Variants in PTPRD observed in about 807,000 individuals in gnomAD.
PTPRD encodes receptor-type tyrosine-protein phosphatase delta.
Under a neutral mutation model 214.5 loss-of-function variants are expected in PTPRD, and 34 were observed. The ratio of observed to expected loss-of-function variants is 0.16; its 90% confidence interval spans 0.12 to 0.21. The LOEUF is 0.21. Ranked by LOEUF, PTPRD falls within the 10% of genes least tolerant of loss-of-function variation. PTPRD has a pLI of 1.00. For missense variants in PTPRD, 2,545 were observed against 2,398.7 expected (o/e 1.06, Z -1.27); for synonymous variants, 1,128 against 845.7 (o/e 1.33, Z -5.79).
chr9:8,633,496 C>A (rs1487718469), intron 13 of PTPRD, 38 bp from the exon 14 acceptor site: 2 of 1,603,974 alleles, frequency 1.2e-6, no homozygotes, highest in Admixed American at 1.7e-5. Context: ...GGTGTTGTTA[C>A]AATTGTCTAC....
At chr9:9,212,561 G>T (rs2099949465) in intron 9 of PTPRD, among the ~76,000 whole-genome samples, 1 of 152,118 alleles carries the variant, frequency 6.6e-6, no homozygotes, top group Admixed American at 6.6e-5. Context: ...CTAGCTTATT[G>T]CATTTTAAAA....
intron 8 of PTPRD, among the ~76,000 whole-genome samples, chr9:9,473,009 T>C (rs1428458977): frequency 6.6e-6 from 1 of 152,166 alleles, no homozygotes; most frequent in Non-Finnish European, 1.5e-5. Context: ...TTTTTGAAAA[T>C]ATATATGAAA....
At chr9:8,801,853 G>T (rs2096578347) in intron 11 of PTPRD, among the ~76,000 whole-genome samples, 1 of 152,130 alleles carries the variant, frequency 6.6e-6, no homozygotes, top group African/African-American at 2.4e-5. Context: ...ACCCTTAATG[G>T]TATTACCACA....
intron 6 of PTPRD, among the ~76,000 whole-genome samples, chr9:9,735,959 A>G (rs976132464): frequency 6.6e-6 from 1 of 152,144 alleles, no homozygotes; most frequent in African/African-American, 2.4e-5. Flanking sequence ...TACACAGATA[A>G]ACACCTTGAA....
At chr9:9,883,028 G>A (rs929189002) in intron 5 of PTPRD, among the ~76,000 whole-genome samples, 2 of 152,108 alleles carry the variant, frequency 1.3e-5, no homozygotes, top group African/African-American at 2.4e-5. Context: ...GGTCTCATTT[G>A]AAGCCAAGAA....
intron 6 of PTPRD, among the ~76,000 whole-genome samples, chr9:9,750,390 A>T (rs972470748): frequency 1.4e-4 from 21 of 152,168 alleles, no homozygotes; most frequent in Non-Finnish European, 5.9e-5. Flanking sequence ...GAGAAATTAT[A>T]GACTCCCTCA....
chr9:8,407,615 C>T (rs897438411), intron 35 of PTPRD, among the ~76,000 whole-genome samples: 8 of 152,188 alleles, frequency 5.3e-5, no homozygotes, highest in Non-Finnish European at 1.2e-4. Context: ...TTCACCAATC[C>T]AAATGATATT....
chr9:9,740,578 G>A (rs1195637515), intron 6 of PTPRD, among the ~76,000 whole-genome samples: 2 of 152,062 alleles, frequency 1.3e-5, no homozygotes, highest in African/African-American at 4.8e-5. Context: ...AGCCAGGATG[G>A]TCTGGATCTC....
At chr9:9,097,731 G>A (rs899293493) in intron 10 of PTPRD, among the ~76,000 whole-genome samples, 1 of 152,118 alleles carries the variant, frequency 6.6e-6, no homozygotes, top group Non-Finnish European at 1.5e-5. Flanking sequence ...GAAGGAAATT[G>A]TTGGGAGACA....
chr9:8,590,565 T>C (rs1190062206), intron 14 of PTPRD, among the ~76,000 whole-genome samples: 2 of 152,126 alleles, frequency 1.3e-5, no homozygotes, highest in Non-Finnish European at 2.9e-5. Flanking sequence ...TACTTTCCCA[T>C]CTTGCAACCC....
chr9:10,285,753 G>A (rs1320070547), intron 3 of PTPRD, among the ~76,000 whole-genome samples: 1 of 151,874 alleles, frequency 6.6e-6, no homozygotes, highest in East Asian at 1.9e-4. Context: ...TGGGATTACA[G>A]GCGCCTGCCA....
At chr9:9,675,728 G>C (rs1415973702) in intron 7 of PTPRD, among the ~76,000 whole-genome samples, 1 of 151,976 alleles carries the variant, frequency 6.6e-6, no homozygotes, top group African/African-American at 2.4e-5. Context: ...CAAAATGCTT[G>C]TATTGGTGAG....
intron 9 of PTPRD, among the ~76,000 whole-genome samples, chr9:9,263,556 G>A (rs1023094914): frequency 6.6e-6 from 1 of 151,522 alleles, no homozygotes; most frequent in East Asian, 2.0e-4. Flanking sequence ...TATATTCTTG[G>A]TACTTAGTAT....
chr9:10,382,930 G>A (rs893630649), intron 2 of PTPRD, among the ~76,000 whole-genome samples: 26 of 148,936 alleles, frequency 1.7e-4, no homozygotes, highest in African/African-American at 5.7e-4. Context: ...GAGAGAGACC[G>A]TCCCTTTAGT....
intron 5 of PTPRD, among the ~76,000 whole-genome samples, chr9:9,884,452 C>A (rs2070029296): frequency 2.0e-5 from 3 of 152,100 alleles, no homozygotes; most frequent in Admixed American, 2.0e-4. Context: ...TATAGCAGAG[C>A]TCATTGTTTA....
rs1588899829 is a variant in PTPRD at position 10,469,572 on chromosome 9, A to G, written c.-599-128555T>C. ...AACACAGTCGGTGGCAATGTAAATT[A>G]GTATAGCCATTATGAAAAACAGTAT... is the stretch of plus-strand genomic sequence containing the variant. On this transcript the variant is annotated intron_variant, in intron 2 of 45. Transcript: ENST00000381196. Among the ~76,000 whole-genome samples the G allele has an allele frequency of 2.0e-5, 3 of 152,310 alleles. No homozygotes were observed. In the East Asian group the frequency reaches 5.8e-4, roughly 29 times the overall value.
intron 7 of PTPRD, among the ~76,000 whole-genome samples, chr9:9,608,810 G>A (rs1406838418): frequency 6.6e-6 from 1 of 152,172 alleles, no homozygotes; most frequent in Admixed American, 6.5e-5. Context: ...GGGTTTGCTT[G>A]ATTCCTTGGT....
At position 8,341,145 on chromosome 9, in the gene PTPRD, T is replaced by C. The variant is rs774183109; in HGVS notation, c.5071A>G (p.Ile1691Val). The C allele has an allele frequency of 2.5e-6, 4 of 1,613,050 alleles. No homozygotes were observed. The highest frequency in any genetic ancestry group is 3.3e-5 in the Admixed American group (2 of 59,906). ...TAATCAGATCCTTCTACTCCACGGA[T>C]AGGCTGCAGGCATACCCTTGTGGAT... ...YESTRVCLQPIRGVEGSDYIN... is the reference protein window; with the variant it reads ...YESTRVCLQPVRGVEGSDYIN... The change falls in exon 41 of 46, where the codon ATC (isoleucine) becomes GTC (valine). Residue 1691 changes from isoleucine (I) to valine (V), a missense_variant. By Grantham distance (29) the Ile-to-Val change is conservative. Coordinates refer to ENST00000381196, the MANE Select transcript of PTPRD (RefSeq NM_002839.4).
intron 4 of PTPRD, among the ~76,000 whole-genome samples, chr9:9,950,555 T>C (rs1320698268): frequency 3.4e-5 from 2 of 58,782 alleles, no homozygotes; most frequent in Non-Finnish European, 5.2e-5. Flanking sequence ...AAACCCCGTC[T>C]CTACTAAAAA....
Sources: allele counts gnomAD v4.1 joint callset (sites outside exome capture counted in the v4.1 genomes callset), GRCh38; gene constraint gnomAD v4.1.1; transcripts MANE v1.5; gene names NCBI Gene and HGNC (gene_info 2026-07-23, HGNC 2026-07-21).